DOK5: variants seen among roughly 807,000 people sequenced by gnomAD.
DOK5 encodes downstream of tyrosine kinase 5.
Under a neutral mutation model 43.3 loss-of-function variants are expected in DOK5, and 27 were observed. The ratio of observed to expected loss-of-function variants is 0.62; its 90% CI spans 0.46 to 0.86. The LOEUF is 0.86. Ranked by LOEUF, DOK5 falls within the 40% of genes least tolerant of loss-of-function variation. The pLI is 0.00. For missense variants in DOK5, 373 were observed against 392.9 expected, an observed-to-expected ratio of 0.95 and a Z score of 0.43; for synonymous variants, 146 against 140.1, an observed-to-expected ratio of 1.04 and a Z score of -0.30.
At chr20:54,639,238 G>A (rs1254082493) in intron 6 of DOK5, among the ~76,000 whole-genome samples, 4 of 152,186 alleles carry the variant, frequency 2.6e-5, no homozygotes, top group African/African-American at 7.2e-5. Context: ...CCCAGCCTTT[G>A]CAGTCTTGCT....
chr20:54,638,001 A>G (rs2146824494), intron 6 of DOK5, among the ~76,000 whole-genome samples: 1 of 152,096 alleles, frequency 6.6e-6, no homozygotes, highest in South Asian at 2.1e-4. Context: ...GGGCACCTGT[A>G]GTCCCAGTGA....
rs370628689 is a variant in DOK5 at position 54,573,720 on chromosome 20, G to GT, written c.175-14761dup. ...AAAAAAAAAAAAAAAGGATAATAAC[G>GT]TTGGTTGTGCGTTGACTTCATTTCA... On this transcript the variant is annotated intron_variant, in intron 2 of 7. Coordinates refer to ENST00000262593, the MANE Select transcript of DOK5 (RefSeq NM_018431.5). Among the ~76,000 whole-genome samples, 67 of 148,070 alleles carry GT rather than the reference G, an allele frequency of 4.5e-4. 1 individual carries two copies. The highest frequency in any genetic ancestry group is 1.6e-3 in the African/African-American group (65 of 40,248).
At chr20:54,597,776 G>T (rs1314209792) in intron 5 of DOK5, among the ~76,000 whole-genome samples, 1 of 152,202 alleles carries the variant, frequency 6.6e-6, no homozygotes, top group Non-Finnish European at 1.5e-5. Context: ...TTCTAAGAAG[G>T]CTCACCTTCT....
At chr20:54,636,728 C>T (rs1205013874) in intron 6 of DOK5, among the ~76,000 whole-genome samples, 2 of 152,216 alleles carry the variant, frequency 1.3e-5, no homozygotes, top group Non-Finnish European at 2.9e-5. Context: ...TCTGACCTCA[C>T]ATCAATTAAG....
chr20:54,557,946 G>C (rs1048958311), intron 2 of DOK5, among the ~76,000 whole-genome samples: 11 of 152,094 alleles, frequency 7.2e-5, no homozygotes, highest in African/African-American at 2.7e-4. Flanking sequence ...GGATTTTTTG[G>C]GGATGGGAGA....
intron 2 of DOK5, among the ~76,000 whole-genome samples, chr20:54,583,810 G>A (rs6023379): frequency 0.22 from 33,943 of 151,844 alleles, 8,134 homozygotes; most frequent in African/African-American, 0.6. Flanking sequence ...ACAGCATATC[G>A]TTGGACCTGG....
chr20:54,642,826 T>A (rs1320548536), intron 6 of DOK5, among the ~76,000 whole-genome samples: 2 of 152,190 alleles, frequency 1.3e-5, no homozygotes, highest in Non-Finnish European at 2.9e-5. Context: ...TTCAGTGGGA[T>A]CCAAGGTCTC....
At chr20:54,637,490 T>G (rs1978878253) in intron 6 of DOK5, among the ~76,000 whole-genome samples, 1 of 152,244 alleles carries the variant, frequency 6.6e-6, no homozygotes, top group Non-Finnish European at 1.5e-5. Context: ...TAGTCCTAAA[T>G]GATTGTGCAT....
At chr20:54,554,417 G>A (rs1350306784) in intron 1 of DOK5, among the ~76,000 whole-genome samples, 1 of 152,150 alleles carries the variant, frequency 6.6e-6, no homozygotes, top group Non-Finnish European at 1.5e-5. Flanking sequence ...AATATCCTAA[G>A]CAAGAATCTG....
chr20:54,497,232 G>A (rs1982437878), intron 1 of DOK5, among the ~76,000 whole-genome samples: 1 of 152,142 alleles, frequency 6.6e-6, no homozygotes, highest in African/African-American at 2.4e-5. Context: ...GGATTCCTGA[G>A]CCCTGGAACA....
intron 1 of DOK5, among the ~76,000 whole-genome samples, chr20:54,530,273 G>T (rs1983725245): frequency 6.6e-6 from 1 of 152,160 alleles, no homozygotes; most frequent in Non-Finnish European, 1.5e-5. Context: ...TTGAGAGTCT[G>T]CCCTATTACT....
intron 1 of DOK5, among the ~76,000 whole-genome samples, chr20:54,489,872 G>A (rs542576478): frequency 6.6e-6 from 1 of 152,318 alleles, no homozygotes; most frequent in Non-Finnish European, 1.5e-5. Context: ...ATTGTTCCAA[G>A]GGTATTCACA....
rs1381512598 is a variant in DOK5 at position 54,514,629 on chromosome 20, G to A, written c.66+38617G>A. Among the ~76,000 whole-genome samples, 4 of 145,622 alleles carry A rather than the reference G, an allele frequency of 2.7e-5. No homozygotes were observed. The South Asian group carries it at 6.5e-4, about 24-fold the overall frequency. ...TTTTGGCTACAGAAAGGCAATCAGG[G>A]GAGAGCAATTGGAGATGGCTTCATG... On this transcript the variant is annotated intron_variant, in intron 1 of 7. Coordinates refer to ENST00000262593, the MANE Select transcript of DOK5 (RefSeq NM_018431.5).
At chr20:54,531,948 G>A (rs574536203) in intron 1 of DOK5, among the ~76,000 whole-genome samples, 1 of 152,140 alleles carries the variant, frequency 6.6e-6, no homozygotes. Flanking sequence ...ATGGAGAAAG[G>A]TCATGTGTTC....
Position 54,605,047 on chromosome 20 carries a change from G to A in DOK5, c.600-5341G>A, listed in dbSNP as rs1430933003. 8.3e-3 allele frequency among the ~76,000 whole-genome samples: 921 copies of A among 110,860 alleles called. 9 individuals carry two copies. The highest frequency in any genetic ancestry group is 0.038 in the African/African-American group (835 of 22,144). 72.7% of individuals were successfully genotyped at this position (110,860 alleles called of 152,430 possible). On this transcript the variant is annotated intron_variant, in intron 5 of 7. Transcript: ENST00000262593. ...TATACACACACACACACACACACAC[G>A]TATACACACACACACGTTGAGGTCA...
chr20:54,610,599 A>G, intron 6 of DOK5, 76 bp downstream of exon 6: 3 of 1,333,252 alleles, frequency 2.3e-6, no homozygotes, highest in Non-Finnish European at 2.9e-6. Context: ...TGTGCTGGAA[A>G]ATATGGTCAG....
intron 1 of DOK5, among the ~76,000 whole-genome samples, chr20:54,485,380 G>A (rs117820713): frequency 1.5e-3 from 220 of 150,988 alleles, no homozygotes; most frequent in Non-Finnish European, 2.2e-3. Context: ...AGAATGTAAT[G>A]TAAAAGAACC....
At chr20:54,530,996 A>G (rs866234385) in intron 1 of DOK5, among the ~76,000 whole-genome samples, 1 of 152,070 alleles carries the variant, frequency 6.6e-6, no homozygotes, top group African/African-American at 2.4e-5. Context: ...TCTGAACCAC[A>G]CTCCTATGTG....
At chr20:54,511,921 G>A (rs1024202409) in intron 1 of DOK5, among the ~76,000 whole-genome samples, 2 of 152,158 alleles carry the variant, frequency 1.3e-5, no homozygotes, top group Non-Finnish European at 2.9e-5. Context: ...GCCAAAATTA[G>A]GTCCCATGTC....
Sources: allele counts gnomAD v4.1 joint callset (sites outside exome capture counted in the v4.1 genomes callset), GRCh38; gene constraint gnomAD v4.1.1; transcripts MANE v1.5; gene names NCBI Gene and HGNC (gene_info 2026-07-23, HGNC 2026-07-21).